Variants in CENPW observed in about 807,000 individuals in gnomAD.
CENPW encodes the protein centromere protein W.
A neutral mutation model predicts 11.1 loss-of-function variants in CENPW; 3 were observed. The ratio of observed to expected loss-of-function variants is 0.27; its 90% CI spans 0.12 to 0.70. CENPW has a LOEUF of 0.70. CENPW is among the 30% of genes least tolerant of loss of function. The pLI, the probability that CENPW is intolerant of heterozygous loss-of-function variation, is 0.77. For missense variants in CENPW, 100 were observed against 105.6 expected, an observed-to-expected ratio of 0.95 and a Z score of 0.23; for synonymous variants, 38 against 42.0, an observed-to-expected ratio of 0.91 and a Z score of 0.37.
the CENPW span, among the ~76,000 whole-genome samples, chr6:126,396,339 G>A: frequency 1.3e-5 from 2 of 152,068 alleles, no homozygotes; most frequent in Non-Finnish European, 2.9e-5. Context: ...ACCTCCTCAG[G>A]CCCACAGGGA....
the CENPW span, among the ~76,000 whole-genome samples, chr6:126,377,877 A>G: frequency 2.1e-5 from 3 of 145,330 alleles, no homozygotes; most frequent in African/African-American, 7.3e-5. Flanking sequence ...CACAGCAACT[A>G]GAGGAAGTTT....
chr6:126,462,747 T>G, the CENPW span, among the ~76,000 whole-genome samples: 1 of 151,994 alleles, frequency 6.6e-6, no homozygotes, highest in South Asian at 2.1e-4. Flanking sequence ...TATTGTAATA[T>G]ATACAGGCAT....
the CENPW span, among the ~76,000 whole-genome samples, chr6:126,449,487 T>C: frequency 3.3e-5 from 5 of 151,064 alleles, no homozygotes; most frequent in African/African-American, 1.2e-4. Flanking sequence ...GTCTCTTTAG[T>C]GTATTGCTAA....
At chr6:126,432,579 T>G in the CENPW span, among the ~76,000 whole-genome samples, 1 of 152,194 alleles carries the variant, frequency 6.6e-6, no homozygotes, top group Non-Finnish European at 1.5e-5. Flanking sequence ...TGATTAGTGG[T>G]AGACTCCTTA....
the CENPW span, among the ~76,000 whole-genome samples, chr6:126,472,606 A>C: frequency 6.6e-6 from 1 of 152,236 alleles, no homozygotes; most frequent in Non-Finnish European, 1.5e-5. Flanking sequence ...TGTTAGAAAT[A>C]AAACTGCTAT....
chr6:126,359,594 G>T, the CENPW span, among the ~76,000 whole-genome samples: 1 of 151,978 alleles, frequency 6.6e-6, no homozygotes, highest in African/African-American at 2.4e-5. Context: ...TTTTGAATCT[G>T]GGTGCCCTAA....
At chr6:126,408,785 C>G in the CENPW span, among the ~76,000 whole-genome samples, 1 of 151,998 alleles carries the variant, frequency 6.6e-6, no homozygotes. Context: ...ATAGCCATCT[C>G]TAATAATCCT....
At chr6:126,389,832 A>G in the CENPW span, among the ~76,000 whole-genome samples, 1 of 151,882 alleles carries the variant, frequency 6.6e-6, no homozygotes, top group African/African-American at 2.4e-5. Context: ...AATGTGCCCA[A>G]GGTTTCATAG....
At chr6:126,383,914 A>T in the CENPW span, among the ~76,000 whole-genome samples, 7 of 152,008 alleles carry the variant, frequency 4.6e-5, no homozygotes, top group Admixed American at 2.6e-4. Context: ...CAACAAATGG[A>T]CCTGATAGAC....
chr6:126,439,989 G>A, the CENPW span, among the ~76,000 whole-genome samples: 3 of 151,496 alleles, frequency 2.0e-5, no homozygotes, highest in Non-Finnish European at 4.4e-5. Flanking sequence ...CATTTTGATT[G>A]CAAACAGAAT....
the CENPW span, among the ~76,000 whole-genome samples, chr6:126,408,438 C>T: frequency 3.3e-5 from 5 of 152,052 alleles, no homozygotes; most frequent in Non-Finnish European, 7.4e-5. Context: ...TTCACTATCA[C>T]GAGAACAGCA....
chr6:126,352,321 C>G (rs1014608190), downstream of CENPW, among the ~76,000 whole-genome samples: 2 of 152,006 alleles, frequency 1.3e-5, no homozygotes, highest in Admixed American at 6.6e-5. Flanking sequence ...TAATTCTTGC[C>G]CTAACCTCTG....
downstream of CENPW, among the ~76,000 whole-genome samples, chr6:126,350,223 G>C (rs140441581): frequency 1.3e-5 from 2 of 152,188 alleles, no homozygotes; most frequent in East Asian, 3.9e-4. Context: ...ACATTTTCCT[G>C]ATGGCTAATG....
At chr6:126,364,490 C>T in the CENPW span, among the ~76,000 whole-genome samples, 3 of 152,176 alleles carry the variant, frequency 2.0e-5, no homozygotes, top group Admixed American at 6.5e-5. Context: ...CTCCTACTCT[C>T]TCCAGAGAAC....
the CENPW span, among the ~76,000 whole-genome samples, chr6:126,477,458 G>C: frequency 6.6e-6 from 1 of 151,866 alleles, no homozygotes; most frequent in African/African-American, 2.4e-5. Context: ...CTGAGAAAAT[G>C]TATAATAGCT....
the CENPW span, among the ~76,000 whole-genome samples, chr6:126,416,167 C>G: frequency 6.6e-6 from 1 of 152,146 alleles, no homozygotes; most frequent in Non-Finnish European, 1.5e-5. Flanking sequence ...GGTGATGACT[C>G]TTCTTATGTT....
In CENPW at chr6:126,340,179, G is replaced by A. The variant is rs186040085; in HGVS notation, c.-95G>A. 619 of 1,167,324 alleles carry A rather than the reference G, an allele frequency of 5.3e-4. No homozygotes were observed. The highest frequency in any genetic ancestry group is 6.7e-4 in the Non-Finnish European group (533 of 799,092). 72.3% of individuals were successfully genotyped at this position (1,167,324 alleles called of 1,614,324 possible). ...TTTCTGCCTGAAGAAGCGTCATACGGACCGGATTGTTTTCGCTGGCCCAGT... is the reference window on the plus strand; with the variant it reads ...TTTCTGCCTGAAGAAGCGTCATACGAACCGGATTGTTTTCGCTGGCCCAGT... On this transcript the variant is annotated 5_prime_UTR_variant, in exon 1 of 3. Transcript: ENST00000368328.
the CENPW span, among the ~76,000 whole-genome samples, chr6:126,438,031 T>C: frequency 1.3e-5 from 2 of 151,714 alleles, no homozygotes; most frequent in South Asian, 4.1e-4. Context: ...CTTTTTTTTT[T>C]CTTCCAACAG....
chr6:126,349,041 C>T (rs1441689923), downstream of CENPW, among the ~76,000 whole-genome samples: 1 of 151,928 alleles, frequency 6.6e-6, no homozygotes, highest in African/African-American at 2.4e-5. Flanking sequence ...CCTCCCAAAA[C>T]CAAAATAATA....
Sources: gnomAD v4.1 joint callset for allele counts (sites outside exome capture counted in the v4.1 genomes callset) on GRCh38, gnomAD v4.1.1 for gene constraint, MANE v1.5 for transcripts, NCBI Gene and HGNC (gene_info 2026-07-23, HGNC 2026-07-21) for gene names.